RFXANK: variants seen among roughly 807,000 people sequenced by gnomAD.
RFXANK encodes the protein regulatory factor X associated ankyrin containing protein, also known as DNA-binding protein RFXANK.
A neutral mutation model predicts 34.5 loss-of-function variants in RFXANK; 19 were observed. That is an observed-to-expected ratio of 0.55 (90% CI 0.38 to 0.81). The LOEUF is 0.81. Ranked by LOEUF, RFXANK falls within the 30% of genes least tolerant of loss-of-function variation. The pLI, the probability that RFXANK is intolerant of heterozygous loss-of-function variation, is 0.00. For synonymous variants in RFXANK, 154 were observed against 149.8 expected (o/e 1.03, Z -0.20); for missense variants, 295 against 343.5 (o/e 0.86, Z 1.12).
chr19:19,193,421 T>C (rs1239070329), intron 2 of RFXANK, among the ~76,000 whole-genome samples: 1 of 140,806 alleles, frequency 7.1e-6, no homozygotes, highest in Admixed American at 7.1e-5. Flanking sequence ...TCTTTTTTTT[T>C]TTTTTTTTTT....
At chr19:19,195,395 A>G (rs2060581902) in intron 3 of RFXANK, among the ~76,000 whole-genome samples, 1 of 147,300 alleles carries the variant, frequency 6.8e-6, no homozygotes, top group African/African-American at 2.5e-5. Context: ...ACTCACTGCA[A>G]CTCCCTCTCC....
intron 8 of RFXANK, 135 bp from the exon 9 acceptor site, chr19:19,199,019 A>G (rs2060650623): frequency 3.3e-6 from 3 of 912,184 alleles, no homozygotes; most frequent in Non-Finnish European, 5.2e-6. Flanking sequence ...ACCCTTGTCA[A>G]AGGCCACATG....
chr19:19,194,186 T>C (rs1276029651), intron 3 of RFXANK, 53 bp downstream of exon 3: 8 of 1,536,430 alleles, frequency 5.2e-6, no homozygotes, highest in Middle Eastern at 3.4e-4. Context: ...TGATGGAATG[T>C]CAGGCCTCAC....
intron 9 of RFXANK, 86 bp from the exon 10 acceptor site, chr19:19,201,563 C>A (rs780995550): frequency 6.2e-7 from 1 of 1,608,960 alleles, no homozygotes; most frequent in African/African-American, 1.3e-5. Flanking sequence ...CTGTTTGTCC[C>A]CTAAGGGGAG....
intron 6 of RFXANK, among the ~76,000 whole-genome samples, chr19:19,197,842 T>A (rs1369378557): frequency 1.3e-5 from 2 of 151,952 alleles, no homozygotes; most frequent in African/African-American, 4.8e-5. Flanking sequence ...AAACCCTGTC[T>A]CTACTAAAAA....
intron 5 of RFXANK, 129 bp from the exon 6 acceptor site, chr19:19,197,392 T>C: frequency 8.3e-7 from 1 of 1,209,376 alleles, no homozygotes. Context: ...TGTTCATGTA[T>C]GTCCATCAAC....
chr19:19,199,340 A>G, intron 9 of RFXANK, 106 bp downstream of exon 9: 1 of 1,118,094 alleles, frequency 8.9e-7, no homozygotes, highest in South Asian at 1.2e-5. Context: ...CGGCAGCGAG[A>G]GTGTGTTGAC....
chr19:19,197,658 C>CTT, intron 6 of RFXANK, 37 bp downstream of exon 6: 1 of 1,592,012 alleles, frequency 6.3e-7, no homozygotes, highest in Non-Finnish European at 8.6e-7. Flanking sequence ...GGGGGGTTCC[C>CTT]GGGGGCCTTA....
Position 19,194,082 on chromosome 19 carries a change from AC to A in RFXANK, c.140del (p.Pro47LeufsTer4). 6.2e-7 allele frequency: 1 copy of A among 1,613,962 alleles called. No individual in the cohort carries two copies. The highest frequency in any genetic ancestry group is 8.5e-7 in the Non-Finnish European group (1 of 1,179,996). Reference protein sequence around the residue: ...DTVVLSLFPCTPEPVNPEPDA... With the variant: ...DTVVLSLFPCXPEPVNPEPDA... ...TGTGGTCCTCAGTCTCTTTCCCTGC[AC>A]CCCTGAGCCTGTGAATCCTGAACCG... On this transcript the variant is annotated frameshift_variant, in exon 3 of 10. Transcript: ENST00000303088. LOFTEE classifies it high-confidence loss of function.
chr19:19,198,856 G>C, intron 8 of RFXANK, 133 bp downstream of exon 8: 1 of 947,420 alleles, frequency 1.1e-6, no homozygotes, highest in Non-Finnish European at 1.7e-6. Context: ...TGCTCTTCTC[G>C]GAGGATGGAT....
chr19:19,197,645 G>A, intron 6 of RFXANK, 24 bp downstream of exon 6: 1 of 1,608,434 alleles, frequency 6.2e-7, no homozygotes, highest in Non-Finnish European at 8.5e-7. Context: ...CAGCTGGGCA[G>A]CTGGGGGGTT....
At position 19,197,261 on chromosome 19, in the gene RFXANK, C is replaced by CACACACATGTGCTGGCATGTCT; in HGVS notation, c.337+11_337+32dup. ...GAGCATTTGCGGAAAGGTGCGTGTC[C>CACACACATGTGCTGGCATGTCT]ACACACATGTGCTGGCATGTCTGCA... is the stretch of plus-strand genomic sequence containing the variant. On this transcript the variant is annotated intron_variant, in intron 5 of 9. Transcript: ENST00000303088. 1 of 1,612,312 alleles carries CACACACATGTGCTGGCATGTCT rather than the reference C, an allele frequency of 6.2e-7. No homozygotes were observed. The highest frequency in any genetic ancestry group is 1.7e-5 in the Admixed American group (1 of 60,008).
rs1321098976 is a variant in RFXANK, at chr19:19,201,820, G to A, written c.*101G>A. The A allele has an allele frequency of 1.9e-6, 3 of 1,611,890 alleles. No homozygotes were observed. The highest frequency in any genetic ancestry group is 1.7e-5 in the Admixed American group (1 of 59,684). The stretch of plus-strand genomic sequence containing the variant: ...CAAAGGCAGCTTCTGGACAGGTGGT[G>A]GGAGGGGACCCTTCCCAAGAGGAAC... On this transcript the variant is annotated 3_prime_UTR_variant, in exon 10 of 10. Transcript: ENST00000303088.
At chr19:19,200,061 C>T (rs755032959) in intron 9 of RFXANK, among the ~76,000 whole-genome samples, 3 of 152,084 alleles carry the variant, frequency 2.0e-5, no homozygotes, top group Admixed American at 6.6e-5. Flanking sequence ...GTGGTGCAGG[C>T]ACAGCTTACT....
At chr19:19,194,678 C>T (rs1014261054) in intron 3 of RFXANK, among the ~76,000 whole-genome samples, 7 of 151,776 alleles carry the variant, frequency 4.6e-5, no homozygotes, top group African/African-American at 1.7e-4. Context: ...GGCATGCAAC[C>T]ACACCTGGCT....
chr19:19,200,983 A>G (rs1265564149), intron 9 of RFXANK: 1 of 183,008 alleles, frequency 5.5e-6, no homozygotes, highest in African/African-American at 2.4e-5. Flanking sequence ...CATTTTTAGT[A>G]GAGTCAGGGT....
chr19:19,193,412 CTTT>C (rs71338310), intron 2 of RFXANK, among the ~76,000 whole-genome samples: 11 of 94,832 alleles, frequency 1.2e-4, no homozygotes, highest in African/African-American at 2.9e-4. Flanking sequence ...TTTTTCCTTT[CTTT>C]TTTTTTTTTT....
chr19:19,199,173 C>T lies in RFXANK; in HGVS notation c.651C>T (p.Thr217=), dbSNP rs868307210. The part of the protein sequence containing the change: ...EALLARGADL[T]TEADSGYTPM... ...TTGCAGCCCGAGGCGCTGACCTCAC[C>T]ACCGAAGCCGACTCTGGCTACACCC... Residue 217 remains threonine (T), a synonymous_variant, in exon 9 of 10, where the codon ACC becomes ACT. Transcript: ENST00000303088. 1 of 1,613,998 alleles carries T rather than the reference C, an allele frequency of 6.2e-7. No homozygotes were observed. Among genetic ancestry groups the T allele is most frequent in the Middle Eastern group, 1.7e-4 (1 of 6,060 alleles).
At chr19:19,195,967 CCT>C (rs1381718175) in intron 3 of RFXANK, among the ~76,000 whole-genome samples, 2 of 151,748 alleles carry the variant, frequency 1.3e-5, no homozygotes, top group African/African-American at 2.4e-5. Flanking sequence ...GTCTCAAACT[CCT>C]GACCTCAGGT....
Sources: gnomAD v4.1 joint callset for allele counts (sites outside exome capture counted in the v4.1 genomes callset) on GRCh38, gnomAD v4.1.1 for gene constraint, MANE v1.5 for transcripts, NCBI Gene and HGNC (gene_info 2026-07-23, HGNC 2026-07-21) for gene names.